TSC22D1: variants seen among roughly 807,000 people sequenced by gnomAD.
The protein encoded by TSC22D1 is TSC22 domain family member 1, also known as TSC22 domain family protein 1.
TSC22D1 carries 9 observed loss-of-function variants against 74.2 expected under a neutral mutation model. That is an observed-to-expected ratio of 0.12 (90% CI 0.07 to 0.21). TSC22D1 has a LOEUF of 0.21. Ranked by LOEUF, TSC22D1 falls within the 10% of genes least tolerant of loss-of-function variation. The probability of loss-of-function intolerance (pLI) is 1.00; values close to 1 mark genes in which losing one functional copy is unlikely to be tolerated. For synonymous variants in TSC22D1, 586 were observed against 492.5 expected (o/e 1.19, Z -2.51); for missense variants, 1,427 against 1,304.7 (o/e 1.09, Z -1.44).
chr13:44,537,548 G>A (rs1273489299), intron 1 of TSC22D1: 24 of 984,892 alleles, frequency 2.4e-5, no homozygotes, highest in Non-Finnish European at 2.9e-5. Flanking sequence ...TAATTTCCAA[G>A]CAAATATCAT....
chr13:44,454,992 CACA>C (rs1220208521), intron 1 of TSC22D1, among the ~76,000 whole-genome samples: 1 of 152,048 alleles, frequency 6.6e-6, no homozygotes, highest in Non-Finnish European at 1.5e-5. Context: ...CTGTTCTAGG[CACA>C]GGGGATTCAG....
At position 44,434,373 on chromosome 13, in the gene TSC22D1, C is replaced by A; in HGVS notation, c.*253G>T. On this transcript the variant is annotated 3_prime_UTR_variant, in exon 3 of 3. Coordinates refer to ENST00000458659, the MANE Select transcript of TSC22D1 (RefSeq NM_183422.4). ...ATTAAACCATTTCTCAGATATCTGCCAAGCTGCATGAGGTCCCGGTATATC... is the reference window on the plus strand; with the variant it reads ...ATTAAACCATTTCTCAGATATCTGCAAAGCTGCATGAGGTCCCGGTATATC... 2 of 1,374,864 alleles carry A rather than the reference C, an allele frequency of 1.5e-6. No homozygotes were observed. The highest frequency in any genetic ancestry group is 1.9e-6 in the Non-Finnish European group (2 of 1,073,522). 85.2% of individuals were successfully genotyped at this position (1,374,864 alleles called of 1,614,324 possible).
intron 1 of TSC22D1, among the ~76,000 whole-genome samples, chr13:44,465,961 G>A (rs1877258881): frequency 7.1e-6 from 1 of 140,686 alleles, no homozygotes; most frequent in African/African-American, 2.7e-5. Context: ...CAACAAGAGC[G>A]AAACTCTGCC....
At chr13:44,474,581 C>A (rs1189622294) in intron 1 of TSC22D1, among the ~76,000 whole-genome samples, 2 of 152,006 alleles carry the variant, frequency 1.3e-5, no homozygotes, top group Admixed American at 1.3e-4. Flanking sequence ...TCAGGAAAAT[C>A]TAGTGAGGGT....
Position 44,534,615 on chromosome 13 carries a change from GAAT to G in TSC22D1, c.2912+38545_2912+38547del, listed in dbSNP as rs373403430. On this transcript the variant is annotated intron_variant, in intron 1 of 2. Coordinates refer to ENST00000458659, the MANE Select transcript of TSC22D1 (RefSeq NM_183422.4). ...TTGAACCTACTTAATATTCCCTAGA[GAAT>G]AATAGTATATCACTTTCTCCTGTCA... 1.3e-3 allele frequency among the ~76,000 whole-genome samples: 201 copies of G among 152,096 alleles called. 1 individual carries two copies. Among genetic ancestry groups the G allele is most frequent in the African/African-American group, 4.6e-3 (191 of 41,488 alleles).
chr13:44,509,950 C>CAAAAAAAAAAAAAAAAAAAAAAAAAAG, intron 1 of TSC22D1, among the ~76,000 whole-genome samples: 1 of 51,426 alleles, frequency 1.9e-5, no homozygotes, highest in Admixed American at 2.7e-4. Context: ...AGAAAATAAG[C>CAAAAAAAAAAAAAAAAAAAAAAAAAAG]AAAAAAAAAA....
At chr13:44,452,588 C>T (rs1240618268) in intron 1 of TSC22D1, 2 of 152,360 alleles carry the variant, frequency 1.3e-5, no homozygotes, top group Non-Finnish European at 2.9e-5. Flanking sequence ...GTATGTCTTA[C>T]AAAGTAACTT....
rs532346162 is a variant in TSC22D1, at chr13:44,499,998, A to T, written c.2913-63903T>A. ...GCTACTTGGGAGGCTGAGGCAGGAG[A>T]ATCACTTGAACCCAGGAGGCGGAGG... is the stretch of plus-strand genomic sequence containing the variant. On this transcript the variant is annotated intron_variant, in intron 1 of 2. Transcript: ENST00000458659. Among the ~76,000 whole-genome samples the T allele has an allele frequency of 2.8e-4, 42 of 151,996 alleles. No homozygotes were observed. The South Asian group carries it at 8.1e-3, about 29-fold the overall frequency.
intron 1 of TSC22D1, among the ~76,000 whole-genome samples, chr13:44,503,448 GA>G (rs938935029): frequency 1.1e-4 from 17 of 147,932 alleles, no homozygotes; most frequent in African/African-American, 3.0e-4. Context: ...GAAGTGAAAG[GA>G]AAAAAAAAAT....
chr13:44,486,274 C>T (rs1222163544), intron 1 of TSC22D1, among the ~76,000 whole-genome samples: 1 of 151,952 alleles, frequency 6.6e-6, no homozygotes, highest in Non-Finnish European at 1.5e-5. Flanking sequence ...TAAGGGCATG[C>T]AAATGCTAAA....
chr13:44,435,982 A>C, intron 2 of TSC22D1, 62 bp downstream of exon 2: 1 of 1,522,002 alleles, frequency 6.6e-7, no homozygotes, highest in Non-Finnish European at 9.1e-7. Flanking sequence ...CTGGTTCCAC[A>C]AAACATCTTA....
intron 1 of TSC22D1, among the ~76,000 whole-genome samples, chr13:44,492,599 G>A (rs1262950672): frequency 6.6e-6 from 1 of 152,090 alleles, no homozygotes; most frequent in Non-Finnish European, 1.5e-5. Flanking sequence ...TAGGTAAGCT[G>A]CTTTGGAGTC....
At chr13:44,529,372 T>C (rs1880713366) in intron 1 of TSC22D1, among the ~76,000 whole-genome samples, 1 of 151,774 alleles carries the variant, frequency 6.6e-6, no homozygotes, top group African/African-American at 2.4e-5. Context: ...AAATCCAACA[T>C]CCATTCATAA....
rs1874235577 is a variant in TSC22D1 at position 44,433,548 on chromosome 13, A to G, written c.*1078T>C. The G allele has an allele frequency of 6.4e-6, 1 of 155,376 alleles. No homozygotes were observed. The highest frequency in any genetic ancestry group is 1.4e-5 in the Non-Finnish European group (1 of 70,356). The allele number at this position is 155,376 out of a possible 1,614,324, so 9.6% of individuals were successfully genotyped here. A position where few individuals can be genotyped will look rare whatever the true frequency, so the allele number is the denominator to read the frequency against. On this transcript the variant is annotated 3_prime_UTR_variant, in exon 3 of 3. Transcript: ENST00000458659. The stretch of plus-strand genomic sequence containing the variant: ...TTATCAACATTTATATGCTTTATTG[A>G]AAGTTGACAAGTGCAACAGTTAAAT...
intron 1 of TSC22D1, 59 bp from the exon 2 acceptor site, chr13:44,436,154 A>AT: frequency 3.2e-6 from 5 of 1,556,448 alleles, no homozygotes; most frequent in Non-Finnish European, 4.4e-6. Context: ...AGCTTCCAAG[A>AT]TAAAAAGGAT....
chr13:44,556,393 A>T (rs1030453049), intron 1 of TSC22D1, among the ~76,000 whole-genome samples: 8 of 151,914 alleles, frequency 5.3e-5, no homozygotes, highest in Admixed American at 5.2e-4. Context: ...AAAAAATACA[A>T]AAATTAGCTG....
chr13:44,527,517 T>A (rs573389674), intron 1 of TSC22D1, among the ~76,000 whole-genome samples: 7 of 152,236 alleles, frequency 4.6e-5, no homozygotes, highest in East Asian at 1.9e-4. Flanking sequence ...AAAACAAAAA[T>A]TTTTTAAGTA....
At chr13:44,549,024 G>C (rs1432806585) in intron 1 of TSC22D1, among the ~76,000 whole-genome samples, 1 of 152,106 alleles carries the variant, frequency 6.6e-6, no homozygotes, top group Admixed American at 6.5e-5. Context: ...GCTCAATTCT[G>C]CTTAAAGACC....
chr13:44,556,817 G>A (rs563558959), intron 1 of TSC22D1, among the ~76,000 whole-genome samples: 1 of 152,204 alleles, frequency 6.6e-6, no homozygotes, highest in Admixed American at 6.5e-5. Context: ...AGTGAGCCGA[G>A]ATCATGCCAC....
Sources: allele counts gnomAD v4.1 joint callset (sites outside exome capture counted in the v4.1 genomes callset), GRCh38; gene constraint gnomAD v4.1.1; transcripts MANE v1.5; gene names NCBI Gene and HGNC (gene_info 2026-07-23, HGNC 2026-07-21).